KCNAB1: variants seen among roughly 807,000 people sequenced by gnomAD.
KCNAB1 encodes the protein voltage-gated potassium channel subunit beta-1.
A neutral mutation model predicts 64.6 loss-of-function variants in KCNAB1; 35 were observed. The observed-to-expected ratio is 0.54, with a 90% CI of 0.41 to 0.72. KCNAB1 has a LOEUF of 0.72. Ranked by LOEUF, KCNAB1 falls within the 30% of genes least tolerant of loss-of-function variation. KCNAB1 has a pLI of 0.00. For missense variants in KCNAB1, 401 were observed against 512.9 expected (o/e 0.78, Z 2.11); for synonymous variants, 177 against 183.8 (o/e 0.96, Z 0.30).
At chr3:156,224,040 C>G (rs531464488) in intron 1 of KCNAB1, among the ~76,000 whole-genome samples, 5 of 152,234 alleles carry the variant, frequency 3.3e-5, no homozygotes, top group Admixed American at 3.3e-4. Context: ...TCAGGCATGG[C>G]GGGCTGCATG....
chr3:156,182,695 A>ATTTTTTTT (rs10624040), intron 1 of KCNAB1, among the ~76,000 whole-genome samples: 21 of 132,706 alleles, frequency 1.6e-4, no homozygotes, highest in African/African-American at 4.5e-4. Flanking sequence ...AAGTAAGACA[A>ATTTTTTTT]TTTTTTTTTT....
chr3:156,426,606 T>TA (rs1229035787), intron 2 of KCNAB1, among the ~76,000 whole-genome samples: 2 of 152,200 alleles, frequency 1.3e-5, no homozygotes, highest in Admixed American at 6.5e-5. Flanking sequence ...TTCACTGCTC[T>TA]AAAAAATCCT....
intron 1 of KCNAB1, among the ~76,000 whole-genome samples, chr3:156,307,753 T>C (rs957102863): frequency 1.3e-5 from 2 of 152,218 alleles, no homozygotes; most frequent in African/African-American, 4.8e-5. Context: ...GTCTGTCTAA[T>C]TACTAAACTA....
chr3:156,237,111 A>T (rs1201172747), intron 1 of KCNAB1, among the ~76,000 whole-genome samples: 1 of 152,232 alleles, frequency 6.6e-6, no homozygotes, highest in Admixed American at 6.5e-5. Context: ...CAGGAAGGTT[A>T]GAAAAGAGTA....
At chr3:156,240,526 C>G (rs6800772) in intron 1 of KCNAB1, among the ~76,000 whole-genome samples, 3,979 of 152,174 alleles carry the variant, frequency 0.026, 190 homozygotes, top group African/African-American at 0.091. Context: ...TTCCTTCTAG[C>G]ATTTTATGCT....
chr3:156,133,609 A>G (rs1383632639), intron 1 of KCNAB1, among the ~76,000 whole-genome samples: 1 of 152,204 alleles, frequency 6.6e-6, no homozygotes, highest in Non-Finnish European at 1.5e-5. Context: ...CTTGCCCTGA[A>G]TGATCCTGGA....
chr3:156,240,529 T>G (rs1286011283), intron 1 of KCNAB1, among the ~76,000 whole-genome samples: 1 of 152,154 alleles, frequency 6.6e-6, no homozygotes, highest in Non-Finnish European at 1.5e-5. Context: ...CTTCTAGCAT[T>G]TTATGCTTTC....
chr3:156,396,885 A>G (rs915363345), intron 1 of KCNAB1, among the ~76,000 whole-genome samples: 2 of 152,230 alleles, frequency 1.3e-5, no homozygotes, highest in African/African-American at 4.8e-5. Context: ...CAGTTACTTC[A>G]GTTCAGATGC....
intron 5 of KCNAB1, among the ~76,000 whole-genome samples, chr3:156,462,709 C>T (rs1467812481): frequency 6.6e-6 from 1 of 152,152 alleles, no homozygotes; most frequent in Non-Finnish European, 1.5e-5. Flanking sequence ...GGCGTTGACC[C>T]TACAGATGAT....
intron 8 of KCNAB1, among the ~76,000 whole-genome samples, chr3:156,478,831 A>T (rs1246737529): frequency 2.6e-5 from 4 of 152,164 alleles, no homozygotes; most frequent in African/African-American, 9.6e-5. Flanking sequence ...ATATCTAATT[A>T]GTTTTTTCCT....
intron 1 of KCNAB1, among the ~76,000 whole-genome samples, chr3:156,257,697 C>T (rs1718178100): frequency 6.6e-6 from 1 of 152,184 alleles, no homozygotes; most frequent in South Asian, 2.1e-4. Context: ...TGATGCCTTA[C>T]ACAAAGACTG....
intron 1 of KCNAB1, among the ~76,000 whole-genome samples, chr3:156,179,610 C>T (rs1021076802): frequency 3.3e-5 from 5 of 152,102 alleles, no homozygotes; most frequent in Admixed American, 1.3e-4. Flanking sequence ...TTCCTGTCTA[C>T]CTTTGCATGA....
At chr3:156,450,960 G>C (rs1296169431) in intron 2 of KCNAB1, among the ~76,000 whole-genome samples, 1 of 143,948 alleles carries the variant, frequency 6.9e-6, no homozygotes, top group Non-Finnish European at 1.5e-5. Flanking sequence ...TTTACACTAA[G>C]AAAAATATCA....
intron 8 of KCNAB1, among the ~76,000 whole-genome samples, chr3:156,509,887 C>T (rs973832930): frequency 2.0e-5 from 3 of 152,188 alleles, no homozygotes; most frequent in African/African-American, 7.2e-5. Context: ...TTCCTTTCAG[C>T]AATGCTGCCC....
chr3:156,378,922 CA>C (rs1472533180), intron 1 of KCNAB1, among the ~76,000 whole-genome samples: 1 of 152,162 alleles, frequency 6.6e-6, no homozygotes, highest in African/African-American at 2.4e-5. Flanking sequence ...CCCAGTGCCT[CA>C]AGCTGGCATG....
At chr3:156,328,799 A>G (rs529430479) in intron 1 of KCNAB1, among the ~76,000 whole-genome samples, 198 of 152,316 alleles carry the variant, frequency 1.3e-3, no homozygotes, top group Middle Eastern at 0.01. Context: ...AAATTGATCT[A>G]TAATTCAATA....
chr3:156,529,756 T>TA (rs1718568463), intron 12 of KCNAB1, among the ~76,000 whole-genome samples: 1 of 152,178 alleles, frequency 6.6e-6, no homozygotes, highest in African/African-American at 2.4e-5. Flanking sequence ...GGACAGTTCT[T>TA]AAAGAGTACT....
intron 8 of KCNAB1, among the ~76,000 whole-genome samples, chr3:156,489,991 G>A (rs1008489112): frequency 1.3e-5 from 2 of 152,064 alleles, no homozygotes; most frequent in Non-Finnish European, 2.9e-5. Context: ...TGCAGTCAGT[G>A]TCCTGCCTTT....
chr3:156,469,206 G>GTGTGTAC (rs1713671065), intron 7 of KCNAB1, among the ~76,000 whole-genome samples: 1 of 149,268 alleles, frequency 6.7e-6, no homozygotes, highest in Admixed American at 6.6e-5. Context: ...ATTTACCAGA[G>GTGTGTAC]TGTGTACATA....
Sources: gnomAD v4.1 joint callset for allele counts (sites outside exome capture counted in the v4.1 genomes callset) on GRCh38, gnomAD v4.1.1 for gene constraint, MANE v1.5 for transcripts, NCBI Gene and HGNC (gene_info 2026-07-23, HGNC 2026-07-21) for gene names.